Variants in GREP1 observed in about 807,000 individuals in gnomAD.
GREP1 encodes the protein glycine rich extracellular protein 1, also known as glycine-rich extracellular protein 1.
chr16:3,001,909 G>A, exon 35 of GREP1: 2 of 344,446 alleles, frequency 5.8e-6, no homozygotes, highest in Non-Finnish European at 1.0e-5. Flanking sequence ...TGACCGCCTA[G>A]CGGGGGAACC....
At chr16:3,001,494 A>T (rs992770943) in intron 34 of GREP1, 67 bp from the exon 29 acceptor site, 1 of 399,032 alleles carries the variant, frequency 2.5e-6, no homozygotes, top group Non-Finnish European at 4.4e-6. Flanking sequence ...GGTCCCTGGG[A>T]GGGGAGGAGG....
At position 2,991,013 on chromosome 16, in the gene GREP1, C is replaced by T. The variant is rs1382670913; in HGVS notation, c.269-35C>T. On this transcript the variant is annotated intron_variant, in intron 7 of 34. Coordinates refer to ENST00000573315, the Ensembl canonical transcript of GREP1. The surrounding 1 kb of genome is among the most constrained non-coding windows in gnomAD (Gnocchi z 4.9). ...TCTGTCTCTGCTTGACGCCCCATTCCCCCTCCTCATGTCCCTCTGGCTCTG... is the reference window on the plus strand; with the variant it reads ...TCTGTCTCTGCTTGACGCCCCATTCTCCCTCCTCATGTCCCTCTGGCTCTG... 2.5e-6 allele frequency: 1 copy of T among 399,186 alleles called. No individual in the cohort carries two copies. The highest frequency in any genetic ancestry group is 2.1e-5 in the African/African-American group (1 of 48,626). 24.7% of individuals were successfully genotyped at this position (399,186 alleles called of 1,614,324 possible). A position where few individuals can be genotyped will look rare whatever the true frequency, so the allele number is the denominator to read the frequency against.
At chr16:2,996,517 C>G (rs914118768) in exon 19 of GREP1, 3 of 399,068 alleles carry the variant, frequency 7.5e-6, no homozygotes, top group Admixed American at 8.8e-5. Flanking sequence ...GGAAATGGAC[C>G]GGGAGTCCAG....
rs924772773 is a variant in GREP1 at position 2,992,391 on chromosome 16, T to C, written c.323-414T>C. ...CCCAGATCCACCCCTCACACACTGC[T>C]TCTCCTCCCAGGATACAACAATGGA... On this transcript the variant is annotated intron_variant, in intron 8 of 34. Coordinates refer to ENST00000573315, the Ensembl canonical transcript of GREP1. The surrounding 1 kb of genome is among the most constrained non-coding windows in gnomAD (Gnocchi z 4.9). 5.7e-5 allele frequency: 9 copies of C among 157,120 alleles called. No homozygotes were observed. Among genetic ancestry groups the C allele is most frequent in the African/African-American group, 1.9e-4 (8 of 41,618 alleles). 9.7% of individuals were successfully genotyped at this position (157,120 alleles called of 1,614,324 possible).
chr16:2,994,990 G>T, intron 13 of GREP1, 28 bp downstream of exon 14: 1 of 399,186 alleles, frequency 2.5e-6, no homozygotes, highest in South Asian at 1.3e-4. Context: ...TGGGGTTCCA[G>T]GGTCTGCATC....
At chr16:2,997,384 C>T (rs909152503) in intron 21 of GREP1, 6 of 398,578 alleles carry the variant, frequency 1.5e-5, no homozygotes, top group Non-Finnish European at 2.7e-5. Context: ...CCTCCCTCCC[C>T]ACAGGCCCCT....
At chr16:2,997,424 G>T (rs1338287348) in intron 22 of GREP1, 5 of 398,926 alleles carry the variant, frequency 1.3e-5, no homozygotes, top group Middle Eastern at 6.3e-4. Context: ...AGCAGGTACT[G>T]GGGGGCTGGA....
At chr16:2,993,107 G>A in intron 10 of GREP1, 144 bp downstream of exon 11, 1 of 394,740 alleles carries the variant, frequency 2.5e-6, no homozygotes, top group Non-Finnish European at 4.5e-6. Context: ...GGGCCTTCCT[G>A]GGAGCTGGAA....
chr16:2,990,698 C>A, intron 7 of GREP1, 111 bp downstream of exon 6: 1 of 398,518 alleles, frequency 2.5e-6, no homozygotes, highest in South Asian at 1.4e-4. Context: ...AGGGTCTTCT[C>A]CAGGCTCCCA....
At chr16:2,999,837 T>C in intron 27 of GREP1, 65 bp from the exon 25 acceptor site, 1 of 399,024 alleles carries the variant, frequency 2.5e-6, no homozygotes. Context: ...CTAAGGTCGA[T>C]CTTTGGCCTC....
intron 7 of GREP1, among the ~76,000 whole-genome samples, 200 bp downstream of exon 6, chr16:2,990,787 C>A (rs1014945668): frequency 3.9e-5 from 6 of 152,092 alleles, no homozygotes; most frequent in African/African-American, 1.4e-4. Context: ...TGATGTCTGG[C>A]TTGGTAAGGG....
In GREP1 at chr16:2,991,254, G is replaced by C. The variant is rs964094291; in HGVS notation, c.322+153G>C. On this transcript the variant is annotated intron_variant, in intron 8 of 34. Transcript: ENST00000573315. This position sits in a 1 kb window ranked among gnomAD's most constrained non-coding sequence, Gnocchi z 4.9. ...TCCCTTCCCAGGCCTGGGAGTGGGCGTGAAACCTCCGAAGCCAGGTGAGGC... is the reference window on the plus strand; with the variant it reads ...TCCCTTCCCAGGCCTGGGAGTGGGCCTGAAACCTCCGAAGCCAGGTGAGGC... The C allele has an allele frequency of 5.0e-6, 2 of 396,620 alleles. No individual in the cohort carries two copies. The highest frequency in any genetic ancestry group is 8.9e-6 in the Non-Finnish European group (2 of 225,304). 24.6% of individuals were successfully genotyped at this position (396,620 alleles called of 1,614,324 possible).
Position 2,997,032 on chromosome 16 carries a change from T to A in GREP1, c.833T>A (p.Leu278Ter), listed in dbSNP as rs1400221382. The change falls in exon 21 of 35, where the codon TTG (leucine) becomes TAG (stop). Residue 278 changes from leucine to a stop codon, truncating the protein, a stop_gained. Coordinates refer to ENST00000573315, the Ensembl canonical transcript of GREP1. LOFTEE classifies it high-confidence loss of function. ...GAGCGGAGGCCTTGGGTCCCTCACT[T>A]GCTCCCTTTCTCTTCACCAGGCTAT... is the stretch of plus-strand genomic sequence containing the variant. 1 of 398,970 alleles carries A rather than the reference T, an allele frequency of 2.5e-6. No homozygotes were observed. Among genetic ancestry groups the A allele is most frequent in the Non-Finnish European group, 4.4e-6 (1 of 226,180 alleles). The allele number at this position is 398,970 out of a possible 1,614,324, so 24.7% of individuals were successfully genotyped here.
rs746195990 is a variant in GREP1 at position 2,996,449 on chromosome 16, C to A, written c.677-47C>A. The A allele has an allele frequency of 1.0e-5, 4 of 398,888 alleles. No homozygotes were observed. The Admixed American group carries it at 1.3e-4, about 13-fold the overall frequency. The allele number at this position is 398,888 out of a possible 1,614,324, so 24.7% of individuals were successfully genotyped here. Reference sequence around the variant, plus strand: ...CTCTAGGGCTGCGTCCTCCTGACACCCCCTCCGAATGCCGCCGTCTCACAC... The same window carrying A: ...CTCTAGGGCTGCGTCCTCCTGACACACCCTCCGAATGCCGCCGTCTCACAC... On this transcript the variant is annotated intron_variant, in intron 18 of 34. Coordinates refer to ENST00000573315, the Ensembl canonical transcript of GREP1.
Position 2,991,293 on chromosome 16 carries a change from G to C in GREP1, c.322+192G>C, listed in dbSNP as rs552033778. 4 of 393,958 alleles carry C rather than the reference G, an allele frequency of 1.0e-5. No individual in the cohort carries two copies. The South Asian group carries it at 5.7e-4, about 56-fold the overall frequency. 24.4% of individuals were successfully genotyped at this position (393,958 alleles called of 1,614,324 possible). A position where few individuals can be genotyped will look rare whatever the true frequency, so the allele number is the denominator to read the frequency against. The stretch of plus-strand genomic sequence containing the variant: ...GCCAGGTGAGGCAGAGCCCTGCCCC[G>C]CCTTGCCCACTTATATCCAGGCGCC... On this transcript the variant is annotated intron_variant, in intron 8 of 34. Coordinates refer to ENST00000573315, the Ensembl canonical transcript of GREP1. The surrounding 1 kb of genome is among the most constrained non-coding windows in gnomAD (Gnocchi z 4.9).
At chr16:2,996,391 G>T (rs1316461601) in intron 18 of GREP1, 105 bp from the exon 18 acceptor site, 6 of 397,084 alleles carry the variant, frequency 1.5e-5, no homozygotes, top group Non-Finnish European at 2.7e-5. Flanking sequence ...GGGGAGCCAG[G>T]CCCCCTCCCA....
At chr16:3,001,761 G>A in exon 35 of GREP1, 1 of 397,666 alleles carries the variant, frequency 2.5e-6, no homozygotes, top group South Asian at 1.4e-4. Context: ...TGGGCCTGCA[G>A]CCACCACCCA....
chr16:3,001,870 C>T (rs1476520953), exon 35 of GREP1: 7 of 374,874 alleles, frequency 1.9e-5, no homozygotes, highest in African/African-American at 8.3e-5. Context: ...ACTCGATCAA[C>T]GCCTGCCCTC....
Position 2,991,898 on chromosome 16 carries a change from G to A in GREP1, c.322+797G>A, listed in dbSNP as rs1156282505. 6.6e-6 allele frequency: 1 copy of A among 152,494 alleles called. No homozygotes were observed. The allele number at this position is 152,494 out of a possible 1,614,324, so 9.4% of individuals were successfully genotyped here. ...CACAGGCCCAAAACCAGGTCAGGGA[G>A]GGTAGGGTGTTGCGGAGGGCCTGGG... On this transcript the variant is annotated intron_variant, in intron 8 of 34. Coordinates refer to ENST00000573315, the Ensembl canonical transcript of GREP1. This position sits in a 1 kb window ranked among gnomAD's most constrained non-coding sequence, Gnocchi z 4.9.
Sources: allele counts gnomAD v4.1 joint callset (sites outside exome capture counted in the v4.1 genomes callset), GRCh38; gene constraint gnomAD v4.1.1; non-coding constraint Gnocchi (gnomAD v3.1); transcripts MANE v1.5; gene names NCBI Gene and HGNC (gene_info 2026-07-23, HGNC 2026-07-21).